Variants in GALNTL6 observed in about 807,000 individuals in gnomAD.
GALNTL6 encodes polypeptide N-acetylgalactosaminyltransferase-like 6.
In GALNTL6, 46 loss-of-function variants were observed where a neutral mutation model predicts 73.7. That is an observed-to-expected ratio of 0.62 (90% CI 0.49 to 0.80). The LOEUF (loss-of-function observed/expected upper bound fraction) is 0.80, where lower values mean the gene tolerates loss of function less well. GALNTL6 is among the 30% of genes least tolerant of loss of function. GALNTL6 has a pLI of 0.00. For missense variants in GALNTL6, 604 were observed against 755.0 expected (o/e 0.80, Z 2.34); for synonymous variants, 259 against 263.7 (o/e 0.98, Z 0.17).
chr4:172,600,018 A>G (rs1356986898), intron 5 of GALNTL6, among the ~76,000 whole-genome samples: 1 of 152,128 alleles, frequency 6.6e-6, no homozygotes, highest in Non-Finnish European at 1.5e-5. Flanking sequence ...GAAACGACAA[A>G]AAAGTTAACA....
chr4:172,795,242 G>A lies in GALNTL6; in HGVS notation c.554-14119G>A, dbSNP rs1740199751. ...GGGAAGAGATGGGACACCTATAGGA[G>A]CCATGTTCTTGAGCAGACAAGAAAG... is the stretch of plus-strand genomic sequence containing the variant. On this transcript the variant is annotated intron_variant, in intron 5 of 12. Coordinates refer to ENST00000506823, the MANE Select transcript of GALNTL6 (RefSeq NM_001034845.3). Among the ~76,000 whole-genome samples, 3 of 152,152 alleles carry A rather than the reference G, an allele frequency of 2.0e-5. 1 individual carries two copies. Among genetic ancestry groups the A allele is most frequent in the Admixed American group, 1.3e-4 (2 of 15,276 alleles).
intron 2 of GALNTL6, among the ~76,000 whole-genome samples, chr4:172,025,788 G>C (rs537109946): frequency 1.3e-5 from 2 of 150,508 alleles, no homozygotes; most frequent in Non-Finnish European, 3.0e-5. Flanking sequence ...GCAGGCCTTT[G>C]GTGTGTGTGT....
chr4:172,158,317 G>A (rs1051828826), intron 2 of GALNTL6, among the ~76,000 whole-genome samples: 6 of 151,880 alleles, frequency 4.0e-5, no homozygotes, highest in African/African-American at 1.2e-4. Context: ...TCTGGGTTTT[G>A]GAATATAAGT....
At chr4:172,491,677 G>A (rs1317208548) in intron 5 of GALNTL6, among the ~76,000 whole-genome samples, 1 of 151,992 alleles carries the variant, frequency 6.6e-6, no homozygotes, top group Non-Finnish European at 1.5e-5. Flanking sequence ...GGAAAGATAA[G>A]GTTTATCTTG....
intron 5 of GALNTL6, among the ~76,000 whole-genome samples, chr4:172,603,380 G>C (rs1738139531): frequency 6.6e-6 from 1 of 152,128 alleles, no homozygotes; most frequent in Admixed American, 6.6e-5. Context: ...CACATGTGAG[G>C]CCATACCGTC....
At chr4:172,487,397 T>G (rs935175379) in intron 5 of GALNTL6, among the ~76,000 whole-genome samples, 23 of 150,572 alleles carry the variant, frequency 1.5e-4, no homozygotes, top group Admixed American at 9.4e-4. Context: ...TTTCTTTTCT[T>G]TCTTTTTCTT....
intron 5 of GALNTL6, among the ~76,000 whole-genome samples, chr4:172,546,359 T>C (rs1387103842): frequency 3.3e-5 from 5 of 152,132 alleles, no homozygotes; most frequent in Non-Finnish European, 7.3e-5. Flanking sequence ...AGTGATCAAA[T>C]TTCTACCTGC....
intron 2 of GALNTL6, among the ~76,000 whole-genome samples, chr4:172,210,706 C>T (rs924687050): frequency 3.3e-5 from 5 of 152,154 alleles, no homozygotes; most frequent in African/African-American, 1.2e-4. Flanking sequence ...CAGCCCCACT[C>T]AGTCTTACAG....
At chr4:171,969,862 A>G (rs2111062344) in intron 2 of GALNTL6, among the ~76,000 whole-genome samples, 1 of 151,490 alleles carries the variant, frequency 6.6e-6, no homozygotes, top group Middle Eastern at 3.4e-3. Context: ...CTCCGCCTTC[A>G]GAGTTTAAGT....
chr4:171,972,899 A>C (rs1027052987), intron 2 of GALNTL6, among the ~76,000 whole-genome samples: 3 of 152,224 alleles, frequency 2.0e-5, no homozygotes, highest in Non-Finnish European at 2.9e-5. Flanking sequence ...TGAATTACTA[A>C]ATACAACAGA....
At chr4:172,346,093 A>G (rs1228668635) in intron 4 of GALNTL6, among the ~76,000 whole-genome samples, 1 of 152,214 alleles carries the variant, frequency 6.6e-6, no homozygotes, top group Non-Finnish European at 1.5e-5. Context: ...TTATACTGGA[A>G]TGGTGAGTGC....
At chr4:172,876,262 T>G (rs1404606420) in intron 7 of GALNTL6, among the ~76,000 whole-genome samples, 1 of 152,216 alleles carries the variant, frequency 6.6e-6, no homozygotes, top group Non-Finnish European at 1.5e-5. Flanking sequence ...TTATAAATCA[T>G]GGTACAAAAT....
At chr4:172,111,295 G>A (rs1732844423) in intron 2 of GALNTL6, among the ~76,000 whole-genome samples, 1 of 152,006 alleles carries the variant, frequency 6.6e-6, no homozygotes, top group Non-Finnish European at 1.5e-5. Context: ...TACTATCAAA[G>A]ATGGAGAGGA....
Position 172,504,173 on chromosome 4 carries a change from A to AAAAAAAAAAAAAAC in GALNTL6, c.553+155490_553+155491insAAAAAAACAAAAAA, listed in dbSNP as rs1297031589. On this transcript the variant is annotated intron_variant, in intron 5 of 12. Transcript: ENST00000506823. ...AGACTCTGTCTCAAAAAAAAAAAAA[A>AAAAAAAAAAAAAAC]AAAAAACTCACACCTTGTTGATATT... Among the ~76,000 whole-genome samples the AAAAAAAAAAAAAAC allele has an allele frequency of 4.6e-5, 2 of 43,752 alleles. 1 individual carries two copies. The highest frequency in any genetic ancestry group is 9.9e-5 in the Non-Finnish European group (2 of 20,174). The allele number at this position is 43,752 out of a possible 152,430, so 28.7% of individuals were successfully genotyped here. A position where few individuals can be genotyped will look rare whatever the true frequency, so the allele number is the denominator to read the frequency against.
At chr4:172,052,560 T>C in intron 2 of GALNTL6, 1 of 1,477,460 alleles carries the variant, frequency 6.8e-7, no homozygotes, top group Non-Finnish European at 9.1e-7. Flanking sequence ...ACGGCTGCAG[T>C]GCAGACCAAG....
intron 3 of GALNTL6, among the ~76,000 whole-genome samples, chr4:172,238,378 C>T (rs901183916): frequency 1.3e-5 from 2 of 152,070 alleles, no homozygotes; most frequent in Non-Finnish European, 2.9e-5. Context: ...GATAGGACTG[C>T]ATTCTTAATT....
chr4:173,005,107 C>T (rs1025675686), intron 10 of GALNTL6, among the ~76,000 whole-genome samples: 1 of 7,148 alleles, frequency 1.4e-4, no homozygotes, highest in African/African-American at 1.5e-4. Flanking sequence ...GCTGGGGGGC[C>T]GGTATTAAGC....
intron 5 of GALNTL6, among the ~76,000 whole-genome samples, chr4:172,591,349 A>G (rs1462858818): frequency 6.6e-6 from 1 of 152,200 alleles, no homozygotes; most frequent in East Asian, 1.9e-4. Flanking sequence ...ATCCGCCTTC[A>G]TTAAAATTAC....
intron 2 of GALNTL6, among the ~76,000 whole-genome samples, chr4:171,877,396 A>C (rs2110905264): frequency 6.6e-6 from 1 of 152,266 alleles, no homozygotes; most frequent in South Asian, 2.1e-4. Flanking sequence ...ATTTCATTTT[A>C]AACCATAAAT....
Sources: allele counts gnomAD v4.1 joint callset (sites outside exome capture counted in the v4.1 genomes callset), GRCh38; gene constraint gnomAD v4.1.1; transcripts MANE v1.5; gene names NCBI Gene and HGNC (gene_info 2026-07-23, HGNC 2026-07-21).